LHPP: variants seen among roughly 807,000 people sequenced by gnomAD.
LHPP encodes the protein phospholysine phosphohistidine inorganic pyrophosphate phosphatase.
A neutral mutation model predicts 30.3 loss-of-function variants in LHPP; 24 were observed. The observed-to-expected ratio is 0.79, with a 90% CI of 0.57 to 1.11. The LOEUF (loss-of-function observed/expected upper bound fraction) is 1.11. LHPP is among the 50% of genes most tolerant of loss of function. The pLI is 0.00. For missense variants in LHPP, 356 were observed against 367.2 expected (o/e 0.97, Z 0.25); for synonymous variants, 150 against 157.1 (o/e 0.95, Z 0.34).
chr10:124,489,341 G>A (rs1953442115), intron 3 of LHPP, among the ~76,000 whole-genome samples: 1 of 152,128 alleles, frequency 6.6e-6, no homozygotes, highest in African/African-American at 2.4e-5. Flanking sequence ...TGTCACACTT[G>A]ACCTTGTTTT....
chr10:124,568,370 T>G (rs536840023), intron 6 of LHPP, among the ~76,000 whole-genome samples: 9 of 152,312 alleles, frequency 5.9e-5, no homozygotes, highest in African/African-American at 1.9e-4. Flanking sequence ...CTTCTTGCCC[T>G]TTGCCTGCAA....
At position 124,478,765 on chromosome 10, in the gene LHPP, T is replaced by C. The variant is rs1394413733; in HGVS notation, c.126-5374T>C. ...GTAAAGGTCAGTTCAAAGATCCAGT[T>C]TGGGCCAGGCGCGGTGGCTCAGGCC... On this transcript the variant is annotated intron_variant, in intron 1 of 6. Coordinates refer to ENST00000368842, the MANE Select transcript of LHPP (RefSeq NM_022126.4). This position sits in a 1 kb window ranked among gnomAD's most constrained non-coding sequence, Gnocchi z 4.7. Among the ~76,000 whole-genome samples the C allele has an allele frequency of 6.6e-6, 1 of 152,128 alleles. No homozygotes were observed. The highest frequency in any genetic ancestry group is 2.4e-5 in the African/African-American group (1 of 41,446).
intron 4 of LHPP, 39 bp from the exon 5 acceptor site, chr10:124,497,997 G>T (rs1359982655): frequency 6.5e-7 from 1 of 1,537,136 alleles, no homozygotes; most frequent in South Asian, 1.1e-5. Flanking sequence ...CCTGTTCCTT[G>T]ATCCCAAACT....
In LHPP at chr10:124,502,615, C is replaced by T. The variant is rs192685107; in HGVS notation, c.624+4487C>T. Among the ~76,000 whole-genome samples the T allele has an allele frequency of 2.1e-3, 309 of 150,412 alleles. 8 individuals carry two copies. The highest frequency in any genetic ancestry group is 6.9e-3 in the African/African-American group (277 of 40,434). ...CGATCTCCTGACCTCGTGATCTGCCCGCTTCGGCTCCCAAAGTGCCGGGAT... is the reference window on the plus strand; with the variant it reads ...CGATCTCCTGACCTCGTGATCTGCCTGCTTCGGCTCCCAAAGTGCCGGGAT... On this transcript the variant is annotated intron_variant, in intron 5 of 6. Coordinates refer to ENST00000368842, the MANE Select transcript of LHPP (RefSeq NM_022126.4).
chr10:124,580,793 A>C (rs1564840478), intron 6 of LHPP, among the ~76,000 whole-genome samples: 1 of 146,736 alleles, frequency 6.8e-6, no homozygotes. Flanking sequence ...ATCTTGGCTC[A>C]CTGCAACCTC....
At chr10:124,605,837 C>G (rs971245651) in intron 6 of LHPP, among the ~76,000 whole-genome samples, 2 of 143,464 alleles carry the variant, frequency 1.4e-5, no homozygotes, top group Non-Finnish European at 3.1e-5. Context: ...GGAGGGAGAG[C>G]CAGTGGAGGG....
intron 1 of LHPP, among the ~76,000 whole-genome samples, chr10:124,472,031 G>C (rs1952794510): frequency 6.6e-6 from 1 of 152,086 alleles, no homozygotes; most frequent in Non-Finnish European, 1.5e-5. Context: ...ACAATGTTGG[G>C]CTGGGTGCAG....
At chr10:124,497,152 G>A in intron 4 of LHPP, 128 bp downstream of exon 4, 1 of 735,148 alleles carries the variant, frequency 1.4e-6, no homozygotes, top group Non-Finnish European at 2.3e-6. Context: ...CACAAAGGCT[G>A]CCTTCCTATT....
chr10:124,560,718 G>T (rs1484516454), intron 6 of LHPP, among the ~76,000 whole-genome samples: 1 of 152,318 alleles, frequency 6.6e-6, no homozygotes, highest in Admixed American at 6.5e-5. Context: ...ACTACAGAGG[G>T]GCCTGGGGTT....
intron 6 of LHPP, among the ~76,000 whole-genome samples, chr10:124,599,627 C>T (rs1022386043): frequency 2.6e-5 from 4 of 152,236 alleles, no homozygotes; most frequent in East Asian, 1.9e-4. Flanking sequence ...CACTGGAATT[C>T]GGGAGGCCTG....
rs71488605 is a variant in LHPP, at chr10:124,478,232, G to A, written c.126-5907G>A. On this transcript the variant is annotated intron_variant, in intron 1 of 6. Transcript: ENST00000368842. This position sits in a 1 kb window ranked among gnomAD's most constrained non-coding sequence, Gnocchi z 4.7. ...GATCTGGCTGGGTGCATGGCTGTGG[G>A]GCCTCCAGGAGGAAGAGGTGTATGA... 0.14 allele frequency among the ~76,000 whole-genome samples: 20,933 copies of A among 152,220 alleles called. 1,841 individuals carry two copies. The highest frequency in any genetic ancestry group is 0.19 in the Non-Finnish European group (12,702 of 67,962).
chr10:124,472,390 G>T (rs530329648), intron 1 of LHPP, among the ~76,000 whole-genome samples: 2 of 152,278 alleles, frequency 1.3e-5, no homozygotes, highest in South Asian at 4.1e-4. Context: ...AGTGCTGGAA[G>T]CGAGCTTATT....
At chr10:124,553,560 G>A (rs1441861651) in intron 6 of LHPP, among the ~76,000 whole-genome samples, 4 of 137,946 alleles carry the variant, frequency 2.9e-5, no homozygotes, top group African/African-American at 5.3e-5. Context: ...CCGGGTTCAC[G>A]CCATTCTCCT....
intron 6 of LHPP, among the ~76,000 whole-genome samples, chr10:124,550,176 C>T (rs537297178): frequency 6.6e-6 from 1 of 152,372 alleles, no homozygotes; most frequent in East Asian, 1.9e-4. Flanking sequence ...GGGGAGCTCA[C>T]TCCTTGCCGA....
rs1589814572 is a variant in LHPP at position 124,510,433 on chromosome 10, C to T, written c.625-6747C>T. Among the ~76,000 whole-genome samples, 2 of 152,162 alleles carry T rather than the reference C, an allele frequency of 1.3e-5. No homozygotes were observed. The highest frequency in any genetic ancestry group is 1.9e-4 in the East Asian group (1 of 5,168). On this transcript the variant is annotated intron_variant, in intron 5 of 6. Transcript: ENST00000368842. This position sits in a 1 kb window ranked among gnomAD's most constrained non-coding sequence, Gnocchi z 4.0. The stretch of plus-strand genomic sequence containing the variant: ...CCCGGCCCCCAGCCTCCGCCTCCCT[C>T]GCCGACAGCTTCCCGGGGCTCTGCC...
At chr10:124,586,246 C>T (rs1369987035) in intron 6 of LHPP, among the ~76,000 whole-genome samples, 3 of 152,308 alleles carry the variant, frequency 2.0e-5, no homozygotes, top group East Asian at 1.9e-4. Context: ...TGGATCCCTG[C>T]GTCCCTACAT....
chr10:124,523,532 G>A lies in LHPP; in HGVS notation c.716+6261G>A, dbSNP rs1180137766. ...GAGTGTTTCCTGTTACGAGAAGGCT[G>A]TGGATTCGCTTTGGAACATGACAGA... On this transcript the variant is annotated intron_variant, in intron 6 of 6. Coordinates refer to ENST00000368842, the MANE Select transcript of LHPP (RefSeq NM_022126.4). This position sits in a 1 kb window ranked among gnomAD's most constrained non-coding sequence, Gnocchi z 4.2. Among the ~76,000 whole-genome samples, 2 of 152,266 alleles carry A rather than the reference G, an allele frequency of 1.3e-5. No homozygotes were observed. The highest frequency in any genetic ancestry group is 1.5e-5 in the Non-Finnish European group (1 of 68,050).
At chr10:124,555,252 C>T (rs1328161085) in intron 6 of LHPP, among the ~76,000 whole-genome samples, 3 of 152,132 alleles carry the variant, frequency 2.0e-5, no homozygotes, top group Non-Finnish European at 4.4e-5. Context: ...GCAGGGTGGG[C>T]GAACTCCTGG....
At chr10:124,511,369 G>A (rs77402648) in intron 5 of LHPP, among the ~76,000 whole-genome samples, 2,740 of 152,272 alleles carry the variant, frequency 0.018, 66 homozygotes, top group East Asian at 0.11. Context: ...TATGTCACCC[G>A]TGTGCATGAC....
Sources: allele counts gnomAD v4.1 joint callset (sites outside exome capture counted in the v4.1 genomes callset), GRCh38; gene constraint gnomAD v4.1.1; non-coding constraint Gnocchi (gnomAD v3.1); transcripts MANE v1.5; gene names NCBI Gene and HGNC (gene_info 2026-07-23, HGNC 2026-07-21).